The following KCNH5 variants were observed in gnomAD, a reference collection of about 807,000 sequenced individuals.
KCNH5 encodes potassium voltage-gated channel subfamily H member 5.
Under a neutral mutation model 96.1 loss-of-function variants are expected in KCNH5, and 46 were observed. The ratio of observed to expected loss-of-function variants is 0.48; its 90% CI spans 0.38 to 0.61. The LOEUF is 0.61. Among genes scored for constraint, KCNH5 ranks in the 20% least tolerant of loss-of-function variants. KCNH5 has a pLI of 0.00. For synonymous variants in KCNH5, 439 were observed against 449.8 expected (o/e 0.98, Z 0.30); for missense variants, 907 against 1,225.8 (o/e 0.74, Z 3.88).
At chr14:63,006,653 T>C (rs1891134304) in intron 2 of KCNH5, among the ~76,000 whole-genome samples, 181 bp from the exon 3 acceptor site, 1 of 152,234 alleles carries the variant, frequency 6.6e-6, no homozygotes, top group Non-Finnish European at 1.5e-5. Flanking sequence ...TATGCACAGA[T>C]TTCAGTCACT....
intron 7 of KCNH5, among the ~76,000 whole-genome samples, chr14:62,920,119 A>C (rs1889352193): frequency 6.6e-6 from 1 of 152,064 alleles, no homozygotes. Context: ...TGAATGTGGG[A>C]ATGGAGACTG....
At chr14:62,886,835 G>T (rs1458896594) in intron 7 of KCNH5, among the ~76,000 whole-genome samples, 2 of 152,028 alleles carry the variant, frequency 1.3e-5, no homozygotes, top group East Asian at 3.9e-4. Flanking sequence ...AAAAAGGGAG[G>T]AACTAATACC....
intron 1 of KCNH5, among the ~76,000 whole-genome samples, chr14:63,025,785 C>T (rs1193528754): frequency 6.6e-6 from 1 of 151,874 alleles, no homozygotes; most frequent in Non-Finnish European, 1.5e-5. Flanking sequence ...AACGTCCATA[C>T]TACCCAAAGC....
intron 7 of KCNH5, among the ~76,000 whole-genome samples, chr14:62,872,534 C>G (rs1028002828): frequency 1.3e-5 from 2 of 151,772 alleles, no homozygotes; most frequent in South Asian, 2.1e-4. Flanking sequence ...ACTAAAAAGA[C>G]CAAAAAAAAT....
At chr14:63,001,834 T>G (rs1762885962) in intron 3 of KCNH5, among the ~76,000 whole-genome samples, 1 of 152,200 alleles carries the variant, frequency 6.6e-6, no homozygotes, top group Admixed American at 6.5e-5. Context: ...TTACCAATTG[T>G]GATCACTCCT....
At chr14:62,884,352 C>T (rs569574856) in intron 7 of KCNH5, among the ~76,000 whole-genome samples, 38 of 152,288 alleles carry the variant, frequency 2.5e-4, no homozygotes, top group Non-Finnish European at 5.0e-4. Flanking sequence ...TGGCCGGGCA[C>T]GGTGGTTCAC....
intron 2 of KCNH5, among the ~76,000 whole-genome samples, chr14:63,015,505 A>G (rs1891309661): frequency 6.6e-6 from 1 of 152,038 alleles, no homozygotes; most frequent in Non-Finnish European, 1.5e-5. Context: ...ATATATACAG[A>G]TATACATGTT....
intron 7 of KCNH5, among the ~76,000 whole-genome samples, chr14:62,908,668 A>G (rs1463928052): frequency 1.3e-5 from 2 of 151,860 alleles, no homozygotes; most frequent in Admixed American, 6.6e-5. Context: ...CTATAGCTGG[A>G]GGAATCAGGC....
At chr14:62,738,066 T>C (rs374948776) in intron 10 of KCNH5, among the ~76,000 whole-genome samples, 90 of 152,264 alleles carry the variant, frequency 5.9e-4, no homozygotes, top group Middle Eastern at 6.8e-3. Context: ...TCACCACTCT[T>C]GCACTTTGGG....
intron 6 of KCNH5, among the ~76,000 whole-genome samples, chr14:62,977,398 CTT>C (rs1472195711): frequency 4.0e-5 from 6 of 151,726 alleles, no homozygotes; most frequent in Admixed American, 2.0e-4. Context: ...AATATCAACA[CTT>C]AATATTTATT....
At chr14:62,926,243 C>T (rs1011120012) in intron 7 of KCNH5, among the ~76,000 whole-genome samples, 1 of 152,122 alleles carries the variant, frequency 6.6e-6, no homozygotes, top group Non-Finnish European at 1.5e-5. Context: ...AGTATACCTT[C>T]GTAGTTGCTC....
intron 8 of KCNH5, among the ~76,000 whole-genome samples, chr14:62,819,755 A>G (rs183919069): frequency 6.6e-6 from 1 of 152,316 alleles, no homozygotes; most frequent in East Asian, 1.9e-4. Flanking sequence ...TACATGGTAT[A>G]TACATATGCA....
At chr14:62,725,060 T>C (rs537593093) in intron 10 of KCNH5, among the ~76,000 whole-genome samples, 42 of 152,370 alleles carry the variant, frequency 2.8e-4, no homozygotes, top group African/African-American at 8.7e-4. Context: ...CACATTAGAA[T>C]ATATAATTTC....
intron 9 of KCNH5, among the ~76,000 whole-genome samples, chr14:62,792,633 T>G (rs1886457899): frequency 6.6e-6 from 1 of 151,606 alleles, no homozygotes; most frequent in African/African-American, 2.4e-5. Context: ...ACATTTAGAG[T>G]TGAAGCCTAC....
intron 2 of KCNH5, among the ~76,000 whole-genome samples, chr14:63,009,954 T>C (rs1053341230): frequency 2.0e-5 from 3 of 152,230 alleles, no homozygotes; most frequent in African/African-American, 7.2e-5. Context: ...AGTTTTCATA[T>C]CTTCTACCAA....
At chr14:63,000,893 G>T (rs191397617) in intron 4 of KCNH5, among the ~76,000 whole-genome samples, 2 of 152,150 alleles carry the variant, frequency 1.3e-5, no homozygotes, top group Non-Finnish European at 2.9e-5. Flanking sequence ...TGGGCAACAT[G>T]GCGAAACCCT....
intron 7 of KCNH5, among the ~76,000 whole-genome samples, chr14:62,919,431 A>T (rs1889338968): frequency 6.6e-6 from 1 of 152,164 alleles, no homozygotes; most frequent in African/African-American, 2.4e-5. Flanking sequence ...ACTCACAGGG[A>T]TAAAACGAAA....
intron 7 of KCNH5, among the ~76,000 whole-genome samples, chr14:62,869,640 T>C (rs1595663307): frequency 6.6e-6 from 1 of 152,190 alleles, no homozygotes; most frequent in Non-Finnish European, 1.5e-5. Flanking sequence ...TAGGTTTTCT[T>C]CTAGGGTTTT....
intron 10 of KCNH5, among the ~76,000 whole-genome samples, chr14:62,723,206 T>C (rs1467236515): frequency 6.6e-6 from 1 of 152,224 alleles, no homozygotes; most frequent in South Asian, 2.1e-4. Context: ...GCATGTGTAT[T>C]TAAATAGTTG....
Sources: allele counts gnomAD v4.1 joint callset (sites outside exome capture counted in the v4.1 genomes callset), GRCh38; gene constraint gnomAD v4.1.1; transcripts MANE v1.5; gene names NCBI Gene and HGNC (gene_info 2026-07-23, HGNC 2026-07-21).